COMMD1: variants seen among roughly 807,000 people sequenced by gnomAD.
COMMD1 encodes the protein COMM domain-containing protein 1.
A neutral mutation model predicts 17.2 loss-of-function variants in COMMD1; 10 were observed. That is an observed-to-expected ratio of 0.58 (90% CI 0.36 to 0.99). COMMD1 has a LOEUF of 0.99. Ranked by LOEUF, COMMD1 falls within the 50% of genes least tolerant of loss-of-function variation. The pLI is 0.01. For synonymous variants in COMMD1, 97 were observed against 91.6 expected (o/e 1.06, Z -0.34); for missense variants, 270 against 231.8 (o/e 1.17, Z -1.07).
At chr2:62,078,550 C>T (rs542922256) in intron 2 of COMMD1, among the ~76,000 whole-genome samples, 2 of 104,412 alleles carry the variant, frequency 1.9e-5, no homozygotes, top group South Asian at 6.0e-4. Flanking sequence ...GAGACTCCGT[C>T]TCAAAAAAAA....
At chr2:61,999,865 T>C (rs1668875576) in intron 1 of COMMD1, among the ~76,000 whole-genome samples, 1 of 152,192 alleles carries the variant, frequency 6.6e-6, no homozygotes. Flanking sequence ...ATTTGATGTT[T>C]CCAAAGGGAG....
intron 2 of COMMD1, among the ~76,000 whole-genome samples, chr2:62,121,599 G>A (rs1034760558): frequency 5.9e-5 from 9 of 151,462 alleles, no homozygotes; most frequent in African/African-American, 7.3e-5. Context: ...TTAGCCAGGC[G>A]TGTTGGTGTG....
At chr2:61,901,618 G>A (rs1320299721), upstream of COMMD1, among the ~76,000 whole-genome samples, 1 of 151,956 alleles carries the variant, frequency 6.6e-6, no homozygotes, top group Non-Finnish European at 1.5e-5. Flanking sequence ...GTGACACTCT[G>A]TCCCCCCACA....
At chr2:61,997,376 T>TA (rs59337897) in intron 1 of COMMD1, among the ~76,000 whole-genome samples, 6,191 of 144,670 alleles carry the variant, frequency 0.043, 313 homozygotes, top group African/African-American at 0.12. Flanking sequence ...ATGTATTTCT[T>TA]AAAAAAAAAA....
At chr2:61,904,927 A>T (rs1292245644), upstream of COMMD1, among the ~76,000 whole-genome samples, 1 of 152,216 alleles carries the variant, frequency 6.6e-6, no homozygotes, top group African/African-American at 2.4e-5. Flanking sequence ...ATATAAATGG[A>T]TGTCCAATAT....
rs1037561049 is a variant in COMMD1 at position 61,925,261 on chromosome 2, T to C, written c.180+19403T>C. On this transcript the variant is annotated intron_variant, in intron 1 of 2. Transcript: ENST00000311832. The stretch of plus-strand genomic sequence containing the variant: ...TGCTTCCTGGGTTTTGGCACCATAA[T>C]GTAAGGTTAGCAGAGAGAAAGGACG... Among the ~76,000 whole-genome samples the C allele has an allele frequency of 2.0e-5, 3 of 151,682 alleles. 1 individual carries two copies. The highest frequency in any genetic ancestry group is 4.2e-4 in the South Asian group (2 of 4,786).
rs199555635 is a variant in COMMD1, at chr2:62,117,991, C to A, written c.463-17840C>A. 9.5e-5 allele frequency among the ~76,000 whole-genome samples: 4 copies of A among 42,230 alleles called. No homozygotes were observed. The African/African-American group carries it at 1.3e-3, about 13-fold the overall frequency. 27.7% of individuals were successfully genotyped at this position (42,230 alleles called of 152,430 possible). On this transcript the variant is annotated intron_variant, in intron 2 of 2. Coordinates refer to ENST00000311832, the MANE Select transcript of COMMD1 (RefSeq NM_152516.4). ...TGTTTCTTCCCTAGTTAGGACCTGA[C>A]TCCTACTCTGCGTTTTGTAAAGGAC...
chr2:61,888,649 C>T (rs551824533), upstream of COMMD1: 10 of 982,120 alleles, frequency 1.0e-5, no homozygotes, highest in East Asian at 2.8e-5. Flanking sequence ...GAGGCGGAGG[C>T]GGAGAAGGGG....
At chr2:61,911,036 T>TC (rs1669892748) in intron 1 of COMMD1, among the ~76,000 whole-genome samples, 1 of 151,206 alleles carries the variant, frequency 6.6e-6, no homozygotes. Context: ...TGAGCCGAGA[T>TC]CGCGCCATTG....
intron 1 of COMMD1, among the ~76,000 whole-genome samples, chr2:61,892,898 C>T (rs1042676948): frequency 4.0e-5 from 6 of 151,726 alleles, no homozygotes; most frequent in African/African-American, 7.3e-5. Context: ...AACGGAGTCT[C>T]GCTCTGTCGC....
intron 2 of COMMD1, among the ~76,000 whole-genome samples, chr2:62,063,026 G>A (rs545601954): frequency 8.6e-5 from 13 of 151,952 alleles, no homozygotes; most frequent in Non-Finnish European, 1.5e-4. Flanking sequence ...AGACCAGCCT[G>A]GCTAACATGG....
intron 2 of COMMD1, among the ~76,000 whole-genome samples, chr2:62,035,881 G>C (rs1187336769): frequency 2.0e-5 from 3 of 151,606 alleles, no homozygotes; most frequent in Non-Finnish European, 4.4e-5. Flanking sequence ...CTAAAACCCT[G>C]TCTCTAAAAA....
rs1410698133 is a variant in COMMD1 at position 62,135,949 on chromosome 2, G to A, written c.*8G>A. 1.6e-5 allele frequency: 23 copies of A among 1,412,198 alleles called. No individual in the cohort carries two copies. Among genetic ancestry groups the A allele is most frequent in the African/African-American group, 2.8e-5 (2 of 71,010 alleles). The allele number at this position is 1,412,198 out of a possible 1,614,324, so 87.5% of individuals were successfully genotyped here. A position where few individuals can be genotyped will look rare whatever the true frequency, so the allele number is the denominator to read the frequency against. On this transcript the variant is annotated 3_prime_UTR_variant, in exon 3 of 3. Transcript: ENST00000311832. The stretch of plus-strand genomic sequence containing the variant: ...ATCAGCCAGCCTAACTGAAGATGAT[G>A]TATGAAGGAGTTGGAGTTGTTGAAA...
At chr2:62,084,972 C>A (rs935830663) in intron 2 of COMMD1, 2 of 152,192 alleles carry the variant, frequency 1.3e-5, no homozygotes, top group Admixed American at 6.5e-5. Context: ...TAGGGCCTTT[C>A]ATCTGTGCAG....
At chr2:62,021,020 T>G (rs190502591) in intron 2 of COMMD1, among the ~76,000 whole-genome samples, 12 of 150,954 alleles carry the variant, frequency 7.9e-5, no homozygotes, top group Admixed American at 4.0e-4. Flanking sequence ...AAAAAAAAAC[T>G]CTACTCTTTG....
chr2:62,000,987 GTTAAAC>G lies in COMMD1; in HGVS notation c.462+10_462+15del. ...GAATTAGGCAAATATGGACAGGTGA[GTTAAAC>G]TTAAGTCAATTTTCCTTTGTAAACT... On this transcript the variant is annotated splice_donor_region_variant and intron_variant, in intron 2 of 2. Transcript: ENST00000311832. The G allele has an allele frequency of 6.2e-7, 1 of 1,611,186 alleles. No homozygotes were observed. Among genetic ancestry groups the G allele is most frequent in the African/African-American group, 1.3e-5 (1 of 75,046 alleles).
chr2:61,993,510 A>C (rs771113656), intron 1 of COMMD1, among the ~76,000 whole-genome samples: 1 of 152,208 alleles, frequency 6.6e-6, no homozygotes, highest in Non-Finnish European at 1.5e-5. Flanking sequence ...TGATATTTTA[A>C]AATTGTACTT....
chr2:62,085,770 G>A (rs1394947450), intron 2 of COMMD1, among the ~76,000 whole-genome samples: 1 of 151,392 alleles, frequency 6.6e-6, no homozygotes, highest in Non-Finnish European at 1.5e-5. Context: ...ACGAGGTCAG[G>A]AGATCGAGAC....
intron 2 of COMMD1, among the ~76,000 whole-genome samples, chr2:62,081,635 T>G (rs902426856): frequency 1.3e-5 from 2 of 152,198 alleles, no homozygotes; most frequent in Admixed American, 6.5e-5. Flanking sequence ...TCTGTTGTCA[T>G]GTCTACTAGC....
Sources: allele counts gnomAD v4.1 joint callset (sites outside exome capture counted in the v4.1 genomes callset), GRCh38; gene constraint gnomAD v4.1.1; transcripts MANE v1.5; gene names NCBI Gene and HGNC (gene_info 2026-07-23, HGNC 2026-07-21).